Variants in NELL2 observed in about 807,000 individuals in gnomAD.
NELL2 encodes neural EGFL like 2.
In NELL2, 41 loss-of-function variants were observed where a neutral mutation model predicts 109.6. The ratio of observed to expected loss-of-function variants is 0.37; its 90% CI spans 0.29 to 0.49. NELL2 has a LOEUF of 0.49. NELL2 is among the 20% of genes least tolerant of loss of function. The pLI is 0.98. For synonymous variants in NELL2, 355 were observed against 344.7 expected (o/e 1.03, Z -0.33); for missense variants, 900 against 1,008.3 (o/e 0.89, Z 1.45).
At chr12:44,890,917 A>T (rs973495648) in intron 1 of NELL2, among the ~76,000 whole-genome samples, 1 of 151,966 alleles carries the variant, frequency 6.6e-6, no homozygotes, top group Non-Finnish European at 1.5e-5. Context: ...TTCTGTAGAG[A>T]CAGGGTTTCA....
intron 12 of NELL2, among the ~76,000 whole-genome samples, chr12:44,702,500 T>C (rs1316283299): frequency 6.6e-6 from 1 of 152,234 alleles, no homozygotes; most frequent in Non-Finnish European, 1.5e-5. Context: ...TTGTATCATG[T>C]AGTTTCATGT....
At chr12:44,640,880 T>G (rs935855215) in intron 13 of NELL2, among the ~76,000 whole-genome samples, 1 of 152,172 alleles carries the variant, frequency 6.6e-6, no homozygotes, top group South Asian at 2.1e-4. Context: ...AACATGTAAC[T>G]GAAGATGTTA....
intron 2 of NELL2, among the ~76,000 whole-genome samples, chr12:44,846,384 G>A (rs1313354818): frequency 1.3e-5 from 2 of 152,134 alleles, no homozygotes; most frequent in Non-Finnish European, 2.9e-5. Context: ...CTCTGCAGAG[G>A]GGAATGACTT....
intron 2 of NELL2, among the ~76,000 whole-genome samples, chr12:44,827,134 C>A (rs530677579): frequency 6.6e-6 from 1 of 152,030 alleles, no homozygotes; most frequent in South Asian, 2.1e-4. Context: ...CCCACAAACC[C>A]ACAATTTTGT....
At chr12:44,772,828 C>T (rs758399786) in intron 9 of NELL2, among the ~76,000 whole-genome samples, 84 of 151,916 alleles carry the variant, frequency 5.5e-4, no homozygotes, top group Non-Finnish European at 1.0e-4. Context: ...TGATCACTCA[C>T]TTCCAGCTTT....
chr12:44,814,831 T>C (rs930922092), intron 3 of NELL2, among the ~76,000 whole-genome samples: 1 of 152,222 alleles, frequency 6.6e-6, no homozygotes, highest in Non-Finnish European at 1.5e-5. Flanking sequence ...TAGTATTTAG[T>C]AAAGATGTGC....
intron 1 of NELL2, among the ~76,000 whole-genome samples, chr12:44,896,485 G>C (rs1476817065): frequency 6.6e-6 from 1 of 152,116 alleles, no homozygotes; most frequent in Admixed American, 6.5e-5. Context: ...CGTGACCGAG[G>C]TGTACACAGG....
intron 15 of NELL2, among the ~76,000 whole-genome samples, chr12:44,579,762 T>C (rs1174513331): frequency 2.6e-5 from 4 of 152,162 alleles, no homozygotes; most frequent in Non-Finnish European, 5.9e-5. Flanking sequence ...CATTAGAATA[T>C]GAGACTTTAA....
At chr12:44,696,963 T>G (rs544150686) in intron 12 of NELL2, among the ~76,000 whole-genome samples, 4 of 152,160 alleles carry the variant, frequency 2.6e-5, no homozygotes, top group Non-Finnish European at 5.9e-5. Flanking sequence ...ACACAGTATA[T>G]AATAAAGTAC....
intron 9 of NELL2, among the ~76,000 whole-genome samples, chr12:44,749,410 A>G (rs2136522881): frequency 6.6e-6 from 1 of 152,260 alleles, no homozygotes; most frequent in East Asian, 1.9e-4. Context: ...ATTTTAATAT[A>G]CTTTTGGCCA....
At chr12:44,603,973 C>T (rs544468343) in intron 15 of NELL2, among the ~76,000 whole-genome samples, 1 of 152,188 alleles carries the variant, frequency 6.6e-6, no homozygotes, top group Non-Finnish European at 1.5e-5. Flanking sequence ...CAGCATCCAA[C>T]TCCAGCAGGC....
chr12:44,832,759 A>G (rs1482824395), intron 2 of NELL2, among the ~76,000 whole-genome samples: 1 of 152,216 alleles, frequency 6.6e-6, no homozygotes, highest in African/African-American at 2.4e-5. Context: ...ATAGTGCTTT[A>G]TATTGTTACA....
Position 44,892,995 on chromosome 12 carries a change from AT to A in NELL2, c.39-17096del, listed in dbSNP as rs201393711. 7.5e-3 allele frequency among the ~76,000 whole-genome samples: 1,145 copies of A among 152,260 alleles called. 8 individuals are homozygous for A. The highest frequency in any genetic ancestry group is 0.01 in the Non-Finnish European group (687 of 68,008). ...AAATTCACATACCAAAGAAACTGTG[AT>A]TCACAATACTCTATCAGTCCACATA... On this transcript the variant is annotated intron_variant, in intron 1 of 20. Transcript: ENST00000333837.
intron 3 of NELL2, among the ~76,000 whole-genome samples, chr12:44,812,908 A>T (rs1943224390): frequency 6.6e-6 from 1 of 152,168 alleles, no homozygotes; most frequent in African/African-American, 2.4e-5. Flanking sequence ...CTCTATAATC[A>T]CACTGATGGA....
At chr12:44,777,146 T>G in intron 6 of NELL2, 22 bp from the exon 7 acceptor site, 2 of 1,613,290 alleles carry the variant, frequency 1.2e-6, no homozygotes, top group Non-Finnish European at 1.7e-6. Context: ...AACACTACAT[T>G]TGGTCAAGAT....
intron 1 of NELL2, among the ~76,000 whole-genome samples, chr12:44,896,559 A>G (rs1194013853): frequency 6.6e-6 from 1 of 152,238 alleles, no homozygotes; most frequent in East Asian, 1.9e-4. Flanking sequence ...CATATAAACT[A>G]GCCTTGAAGC....
chr12:44,690,541 G>GAA (rs113014523), intron 12 of NELL2, among the ~76,000 whole-genome samples: 8 of 139,114 alleles, frequency 5.8e-5, no homozygotes, highest in African/African-American at 2.1e-4. Context: ...CTGAGGTCTT[G>GAA]AAAAAAAAAA....
chr12:44,914,888 C>A (rs944005310), upstream of NELL2, among the ~76,000 whole-genome samples: 8 of 151,100 alleles, frequency 5.3e-5, no homozygotes, highest in African/African-American at 1.5e-4. Flanking sequence ...CTCCATCTGT[C>A]GCCCAGGCTG....
At chr12:44,581,764 AC>A (rs1422065313) in intron 15 of NELL2, among the ~76,000 whole-genome samples, 1 of 152,198 alleles carries the variant, frequency 6.6e-6, no homozygotes, top group Non-Finnish European at 1.5e-5. Flanking sequence ...GAAAGCTATT[AC>A]TGAACTATGA....
Sources: allele counts gnomAD v4.1 joint callset (sites outside exome capture counted in the v4.1 genomes callset), GRCh38; gene constraint gnomAD v4.1.1; transcripts MANE v1.5; gene names NCBI Gene and HGNC (gene_info 2026-07-23, HGNC 2026-07-21).